RIMBP2: variants seen among roughly 807,000 people sequenced by gnomAD.
RIMBP2 encodes RIMS binding protein 2.
A neutral mutation model predicts 118.6 loss-of-function variants in RIMBP2; 48 were observed. That is an observed-to-expected ratio of 0.40 (90% CI 0.32 to 0.51). The LOEUF is 0.51. Among genes scored for constraint, RIMBP2 ranks in the 20% least tolerant of loss-of-function variants. The pLI, the probability that RIMBP2 is intolerant of heterozygous loss-of-function variation, is 0.41. For missense variants in RIMBP2, 1,551 were observed against 1,768.3 expected (o/e 0.88, Z 2.20); for synonymous variants, 762 against 742.9 (o/e 1.03, Z -0.42).
chr12:130,441,473 T>G (rs1434829390), intron 11 of RIMBP2, among the ~76,000 whole-genome samples: 1 of 150,492 alleles, frequency 6.6e-6, no homozygotes, highest in Non-Finnish European at 1.5e-5. Flanking sequence ...AAAGAAGGAA[T>G]GATTCTGAAA....
chr12:130,638,513 C>T (rs1320657552), intron 1 of RIMBP2, among the ~76,000 whole-genome samples: 3 of 152,200 alleles, frequency 2.0e-5, no homozygotes, highest in East Asian at 1.9e-4. Flanking sequence ...ACTGCCTGAG[C>T]TCCGCCTCCT....
chr12:130,573,650 G>A lies in RIMBP2; in HGVS notation c.-217+54672C>T, dbSNP rs368989876. ...CAGGGTGGGCTGACCCCCACCTGGGGGGGTGATGGCTGTGTCTGGTCCTCA... is the reference window on the plus strand; with the variant it reads ...CAGGGTGGGCTGACCCCCACCTGGGAGGGTGATGGCTGTGTCTGGTCCTCA... On this transcript the variant is annotated intron_variant, in intron 2 of 22. Transcript: ENST00000690449. 2.9e-4 allele frequency among the ~76,000 whole-genome samples: 44 copies of A among 152,264 alleles called. No homozygotes were observed. In the South Asian group the frequency reaches 9.1e-3, roughly 32 times the overall value.
intron 1 of RIMBP2, among the ~76,000 whole-genome samples, chr12:130,673,995 G>A (rs2064321611): frequency 1.3e-5 from 2 of 151,664 alleles, no homozygotes; most frequent in Non-Finnish European, 2.9e-5. Context: ...GCACGCACCT[G>A]TAATCCCAGC....
chr12:130,675,535 GT>G (rs2064418239), intron 1 of RIMBP2, among the ~76,000 whole-genome samples: 1 of 212 alleles, frequency 4.7e-3, no homozygotes, highest in Non-Finnish European at 0.024. Context: ...ACTCCCTTCC[GT>G]CCACCCCCAT....
chr12:130,504,334 C>T (rs573789236), intron 4 of RIMBP2, among the ~76,000 whole-genome samples: 3 of 152,272 alleles, frequency 2.0e-5, no homozygotes, highest in Non-Finnish European at 2.9e-5. Flanking sequence ...CACCCCCTGA[C>T]TCCTCCCAGG....
rs61934606 is a variant in RIMBP2, at chr12:130,562,981, G to A, written c.-216-45064C>T. On this transcript the variant is annotated intron_variant, in intron 2 of 22. Transcript: ENST00000690449. ...CTCTGACAGCGTAGCTTGGTATGAC[G>A]GACGGCTGGCTGTGGACAGCTTTTG... Among the ~76,000 whole-genome samples the A allele has an allele frequency of 4.6e-5, 7 of 152,280 alleles. No individual in the cohort carries two copies. The South Asian group carries it at 6.2e-4, about 14-fold the overall frequency.
chr12:130,629,520 T>C (rs2061850876), intron 1 of RIMBP2, among the ~76,000 whole-genome samples: 1 of 152,202 alleles, frequency 6.6e-6, no homozygotes, highest in Admixed American at 6.5e-5. Context: ...GTTTATTTTC[T>C]AGAGATATTT....
chr12:130,438,338 C>CCG, intron 12 of RIMBP2, 27 bp downstream of exon 12: 1 of 1,266,808 alleles, frequency 7.9e-7, no homozygotes, highest in Non-Finnish European at 1.1e-6. Context: ...CTAACAAACC[C>CCG]TCCCCACCCA....
At chr12:130,516,774 A>G (rs1228819007) in intron 3 of RIMBP2, among the ~76,000 whole-genome samples, 1 of 152,174 alleles carries the variant, frequency 6.6e-6, no homozygotes, top group Non-Finnish European at 1.5e-5. Context: ...CACAGGGAGA[A>G]GCCTCAGTTT....
At position 130,601,891 on chromosome 12, in the gene RIMBP2, C is replaced by T. The variant is rs139281838; in HGVS notation, c.-217+26431G>A. Among the ~76,000 whole-genome samples, 41 of 152,258 alleles carry T rather than the reference C, an allele frequency of 2.7e-4. No homozygotes were observed. The East Asian group carries it at 6.4e-3, about 24-fold the overall frequency. On this transcript the variant is annotated intron_variant, in intron 2 of 22. Coordinates refer to ENST00000690449, the MANE Select transcript of RIMBP2 (RefSeq NM_001393629.1). ...ACATAATCCCTGTAGAAGCTTTCAG[C>T]GAACCTTTTAACTAAATGGAATGTC...
chr12:130,693,797 C>G (rs552392033), intron 1 of RIMBP2, among the ~76,000 whole-genome samples: 4 of 152,306 alleles, frequency 2.6e-5, no homozygotes, highest in African/African-American at 9.6e-5. Flanking sequence ...CCTTTAATTG[C>G]GGATGATTCA....
At chr12:130,656,975 G>A (rs889467813) in intron 1 of RIMBP2, among the ~76,000 whole-genome samples, 3 of 152,196 alleles carry the variant, frequency 2.0e-5, no homozygotes, top group Admixed American at 1.3e-4. Context: ...ATAGCTCACT[G>A]CATTGAACTC....
At position 130,422,358 on chromosome 12, in the gene RIMBP2, A is replaced by G; in HGVS notation, c.3238+95T>C. Reference sequence around the variant, plus strand: ...TAACAGTGTTCTTTGCTTAGCGGAAAATGCTACTCCTAAAGTTTTGTTCAT... The same window carrying G: ...TAACAGTGTTCTTTGCTTAGCGGAAGATGCTACTCCTAAAGTTTTGTTCAT... On this transcript the variant is annotated intron_variant, in intron 17 of 22. Transcript: ENST00000690449. The surrounding 1 kb of genome is among the most constrained non-coding windows in gnomAD (Gnocchi z 5.2). 1 of 745,800 alleles carries G rather than the reference A, an allele frequency of 1.3e-6. No individual in the cohort carries two copies. The allele number at this position is 745,800 out of a possible 1,614,324, so 46.2% of individuals were successfully genotyped here. A position where few individuals can be genotyped will look rare whatever the true frequency, so the allele number is the denominator to read the frequency against.
chr12:130,410,795 A>C (rs1248007474), intron 19 of RIMBP2, among the ~76,000 whole-genome samples: 1 of 152,150 alleles, frequency 6.6e-6, no homozygotes, highest in Non-Finnish European at 1.5e-5. Context: ...GCTTATGTGA[A>C]TCTTCCAAGC....
At chr12:130,673,926 C>T (rs995193198) in intron 1 of RIMBP2, among the ~76,000 whole-genome samples, 58 of 146,870 alleles carry the variant, frequency 3.9e-4, no homozygotes, top group African/African-American at 1.4e-3. Flanking sequence ...CTGGCCAACA[C>T]GGTGAAACCC....
At chr12:130,535,428 C>T (rs1411059062) in intron 2 of RIMBP2, among the ~76,000 whole-genome samples, 2 of 151,986 alleles carry the variant, frequency 1.3e-5, no homozygotes, top group African/African-American at 4.8e-5. Flanking sequence ...GCAGGAGGAT[C>T]GCTTGAGCCC....
chr12:130,651,825 T>C lies in RIMBP2; in HGVS notation c.-351-23369A>G, dbSNP rs184340093. ...CCAGCTCTACTCTTCGTTGAGAGAC[T>C]GAACAAGTCCTGTGTCTTAGCAGTT... On this transcript the variant is annotated intron_variant, in intron 1 of 22. Transcript: ENST00000690449. Among the ~76,000 whole-genome samples, 994 of 152,358 alleles carry C rather than the reference T, an allele frequency of 6.5e-3. 5 individuals are homozygous for C. Among genetic ancestry groups the C allele is most frequent in the Non-Finnish European group, 0.011 (721 of 68,034 alleles).
At chr12:130,641,163 G>A (rs1047735012) in intron 1 of RIMBP2, among the ~76,000 whole-genome samples, 2 of 152,240 alleles carry the variant, frequency 1.3e-5, no homozygotes, top group South Asian at 2.1e-4. Context: ...TCATAATTAC[G>A]AGATCACAGA....
At position 130,646,418 on chromosome 12, in the gene RIMBP2, ACCAC is replaced by A. The variant is rs1566423471; in HGVS notation, c.-351-17966_-351-17963del. On this transcript the variant is annotated intron_variant, in intron 1 of 22. Coordinates refer to ENST00000690449, the MANE Select transcript of RIMBP2 (RefSeq NM_001393629.1). Reference sequence around the variant, plus strand: ...CACCACCTGCCTCTCCACCTCCCTCACCACTTCCCTCTCCACCTCCCTTGCCACC... The same window carrying A: ...CACCACCTGCCTCTCCACCTCCCTCATTCCCTCTCCACCTCCCTTGCCACC... Among the ~76,000 whole-genome samples the A allele has an allele frequency of 2.6e-3, 56 of 21,702 alleles. 19 individuals carry two copies. Among genetic ancestry groups the A allele is most frequent in the East Asian group, 0.019 (12 of 648 alleles). The allele number at this position is 21,702 out of a possible 152,430, so 14.2% of individuals were successfully genotyped here. A position where few individuals can be genotyped will look rare whatever the true frequency, so the allele number is the denominator to read the frequency against.
Sources: gnomAD v4.1 joint callset for allele counts (sites outside exome capture counted in the v4.1 genomes callset) on GRCh38, gnomAD v4.1.1 for gene constraint, Gnocchi (gnomAD v3.1) non-coding constraint, MANE v1.5 for transcripts, NCBI Gene and HGNC (gene_info 2026-07-23, HGNC 2026-07-21) for gene names.